Variants in CENPP observed in about 807,000 individuals in gnomAD.
CENPP encodes the protein centromere protein P.
Under a neutral mutation model 35.6 loss-of-function variants are expected in CENPP, and 24 were observed. That is an observed-to-expected ratio of 0.67 (90% CI 0.49 to 0.95). The LOEUF (loss-of-function observed/expected upper bound fraction) is 0.95. Among genes scored for constraint, CENPP ranks in the 40% least tolerant of loss-of-function variants. CENPP has a pLI of 0.00. For synonymous variants in CENPP, 120 were observed against 125.5 expected, an observed-to-expected ratio of 0.96 and a Z score of 0.29; for missense variants, 332 against 345.3, an observed-to-expected ratio of 0.96 and a Z score of 0.31.
chr9:92,365,406 CTTTTTTTT>C (rs33952600), intron 4 of CENPP, among the ~76,000 whole-genome samples: 2 of 81,506 alleles, frequency 2.5e-5, no homozygotes, highest in Non-Finnish European at 4.6e-5. Context: ...TATAACTACT[CTTTTTTTT>C]TTTTTTTTTT....
intron 5 of CENPP, among the ~76,000 whole-genome samples, chr9:92,481,621 G>T (rs1328328726): frequency 6.6e-6 from 1 of 152,096 alleles, no homozygotes; most frequent in Non-Finnish European, 1.5e-5. Context: ...GGAAATCTTT[G>T]AAAGTGTTAA....
chr9:92,471,199 CTT>C (rs373674313), intron 5 of CENPP, among the ~76,000 whole-genome samples: 27 of 140,794 alleles, frequency 1.9e-4, no homozygotes, highest in Non-Finnish European at 1.9e-4. Flanking sequence ...ATTTTTCTTT[CTT>C]TTTTTTTTTT....
Position 92,600,491 on chromosome 9 carries a change from C to T in CENPP, c.565-10823C>T, listed in dbSNP as rs755989017. 1.4e-5 allele frequency: 23 copies of T among 1,612,874 alleles called. 1 individual carries two copies. The Middle Eastern group carries it at 8.3e-4, about 58-fold the overall frequency. ...GGAGGCTCCCAGCTGGTCTGTTCTGCAAAGGTCTGGAGATGAGGTAAGTGC... is the reference window on the plus strand; with the variant it reads ...GGAGGCTCCCAGCTGGTCTGTTCTGTAAAGGTCTGGAGATGAGGTAAGTGC... On this transcript the variant is annotated intron_variant, in intron 5 of 7. Transcript: ENST00000375587.
intron 5 of CENPP, among the ~76,000 whole-genome samples, chr9:92,468,778 A>G (rs1214326740): frequency 6.6e-6 from 1 of 152,144 alleles, no homozygotes; most frequent in Non-Finnish European, 1.5e-5. Context: ...CAGTAATACT[A>G]CTTAACAGCT....
chr9:92,562,516 T>C (rs1323045133), intron 5 of CENPP, among the ~76,000 whole-genome samples: 1 of 152,056 alleles, frequency 6.6e-6, no homozygotes, highest in African/African-American at 2.4e-5. Flanking sequence ...CCAGTTTTCT[T>C]ATCTTCAAAG....
At chr9:92,590,776 AAG>A (rs1281152588) in intron 5 of CENPP, among the ~76,000 whole-genome samples, 1 of 152,222 alleles carries the variant, frequency 6.6e-6, no homozygotes, top group African/African-American at 2.4e-5. Context: ...TTCTTAATAG[AAG>A]GAGATTTTGA....
chr9:92,573,517 G>A (rs145243742), intron 5 of CENPP, among the ~76,000 whole-genome samples: 6,064 of 152,314 alleles, frequency 0.04, 185 homozygotes, highest in South Asian at 0.099. Flanking sequence ...CCTACTTGGA[G>A]GTGTCTCCCA....
At chr9:92,379,984 T>A (rs1189052304) in intron 5 of CENPP, 125 bp downstream of exon 5, 1 of 634,574 alleles carries the variant, frequency 1.6e-6, no homozygotes, top group Non-Finnish European at 2.8e-6. Flanking sequence ...CATTGACTTT[T>A]GGAATTTGCA....
At chr9:92,501,698 C>T (rs1396846761) in intron 5 of CENPP, among the ~76,000 whole-genome samples, 1 of 152,210 alleles carries the variant, frequency 6.6e-6, no homozygotes, top group Non-Finnish European at 1.5e-5. Context: ...TCTCTGCCTA[C>T]AGTGGGCTCA....
intron 5 of CENPP, among the ~76,000 whole-genome samples, chr9:92,491,101 T>C (rs1846161173): frequency 6.6e-6 from 1 of 152,180 alleles, no homozygotes; most frequent in Non-Finnish European, 1.5e-5. Flanking sequence ...CTGTTAAGTT[T>C]TACAGTCTTT....
chr9:92,372,847 T>C (rs933340117), intron 4 of CENPP, among the ~76,000 whole-genome samples: 2 of 151,970 alleles, frequency 1.3e-5, no homozygotes, highest in African/African-American at 4.8e-5. Flanking sequence ...GTGACTAGAC[T>C]CCTTTCTCTT....
At chr9:92,612,404 T>C in intron 6 of CENPP, 119 bp from the exon 7 acceptor site, 1 of 735,242 alleles carries the variant, frequency 1.4e-6, no homozygotes, top group Non-Finnish European at 2.4e-6. Context: ...GGCTGTGGAT[T>C]GGGGTTTCTA....
At chr9:92,372,649 T>G (rs928308608) in intron 4 of CENPP, among the ~76,000 whole-genome samples, 2 of 152,190 alleles carry the variant, frequency 1.3e-5, no homozygotes, top group African/African-American at 4.8e-5. Context: ...CTTTTAGCAT[T>G]TGTGTTGGGA....
intron 5 of CENPP, among the ~76,000 whole-genome samples, chr9:92,587,059 A>C (rs1850556782): frequency 6.6e-6 from 1 of 152,186 alleles, no homozygotes; most frequent in African/African-American, 2.4e-5. Context: ...CCAGAATTGG[A>C]CTTACTAGAC....
At chr9:92,403,212 AT>A (rs1457918712) in intron 5 of CENPP, 1 of 1,495,288 alleles carries the variant, frequency 6.7e-7, no homozygotes, top group East Asian at 2.3e-5. Context: ...TAGAAGCTAA[AT>A]TTAGAATAGA....
intron 5 of CENPP, among the ~76,000 whole-genome samples, chr9:92,588,279 C>T (rs1026272696): frequency 2.0e-5 from 3 of 151,586 alleles, no homozygotes; most frequent in African/African-American, 4.9e-5. Context: ...GACAGAGTCT[C>T]GCTCTGTCGC....
At chr9:92,330,580 G>A (rs1301926091) in intron 1 of CENPP, among the ~76,000 whole-genome samples, 1 of 150,978 alleles carries the variant, frequency 6.6e-6, no homozygotes, top group Admixed American at 6.6e-5. Flanking sequence ...GAATGTAGCA[G>A]AGTGTTTAAA....
intron 5 of CENPP, among the ~76,000 whole-genome samples, chr9:92,471,719 T>G (rs998207135): frequency 6.6e-6 from 1 of 150,636 alleles, no homozygotes; most frequent in Admixed American, 6.7e-5. Flanking sequence ...CCGGCTGGAG[T>G]GCAGTGGCGC....
intron 5 of CENPP, among the ~76,000 whole-genome samples, chr9:92,535,217 T>A (rs1849096192): frequency 6.6e-6 from 1 of 152,218 alleles, no homozygotes; most frequent in Non-Finnish European, 1.5e-5. Context: ...CTCACTACAG[T>A]GTTTAAATAC....
Sources: allele counts gnomAD v4.1 joint callset (sites outside exome capture counted in the v4.1 genomes callset), GRCh38; gene constraint gnomAD v4.1.1; transcripts MANE v1.5; gene names NCBI Gene and HGNC (gene_info 2026-07-23, HGNC 2026-07-21).